The following PPP2R2C variants were observed in gnomAD, a reference collection of about 807,000 sequenced individuals.
PPP2R2C encodes protein phosphatase 2 regulatory subunit Bgamma.
PPP2R2C carries 10 observed loss-of-function variants against 45.3 expected under a neutral mutation model. The ratio of observed to expected loss-of-function variants is 0.22; its 90% CI spans 0.14 to 0.37. The LOEUF (loss-of-function observed/expected upper bound fraction) is 0.37, where lower values mean the gene tolerates loss of function less well. Among genes scored for constraint, PPP2R2C ranks in the 10% least tolerant of loss-of-function variants. The pLI, the probability that PPP2R2C is intolerant of heterozygous loss-of-function variation, is 1.00. For missense variants in PPP2R2C, 308 were observed against 619.7 expected, an observed-to-expected ratio of 0.50 and a Z score of 5.34; for synonymous variants, 257 against 245.4, an observed-to-expected ratio of 1.05 and a Z score of -0.44.
rs1234585496 is a variant in PPP2R2C, at chr4:6,518,935, A to T, written c.49+16336T>A. On this transcript the variant is annotated intron_variant, in intron 2 of 9. Transcript: ENST00000506140. Reference sequence around the variant, plus strand: ...AAGACTCTGTCTTAAAAAAAAAAAAAAAAAAAAAAAAAAAAAAAGAATAGA... The same window carrying T: ...AAGACTCTGTCTTAAAAAAAAAAAATAAAAAAAAAAAAAAAAAAGAATAGA... Among the ~76,000 whole-genome samples the T allele has an allele frequency of 1.8e-4, 20 of 109,654 alleles. 1 individual carries two copies. The highest frequency in any genetic ancestry group is 2.0e-4 in the Non-Finnish European group (10 of 49,322). 71.9% of individuals were successfully genotyped at this position (109,654 alleles called of 152,430 possible). A position where few individuals can be genotyped will look rare whatever the true frequency, so the allele number is the denominator to read the frequency against.
intron 2 of PPP2R2C, among the ~76,000 whole-genome samples, chr4:6,527,863 C>T (rs577182536): frequency 6.6e-6 from 1 of 152,204 alleles, no homozygotes; most frequent in South Asian, 2.1e-4. Context: ...GAAGGCAGGG[C>T]CTGGGGCCCC....
chr4:6,543,882 C>T (rs1577250065), intron 1 of PPP2R2C, among the ~76,000 whole-genome samples: 1 of 152,194 alleles, frequency 6.6e-6, no homozygotes, highest in African/African-American at 2.4e-5. Context: ...GTTTCTTTTA[C>T]GTGGGTCTGC....
intron 1 of PPP2R2C, among the ~76,000 whole-genome samples, chr4:6,398,874 T>C (rs1331455263): frequency 6.6e-6 from 1 of 151,976 alleles, no homozygotes; most frequent in African/African-American, 2.4e-5. Flanking sequence ...AATAAATAAA[T>C]CATGGCATAT....
At chr4:6,367,343 G>C (rs1714414031) in intron 5 of PPP2R2C, among the ~76,000 whole-genome samples, 1 of 152,148 alleles carries the variant, frequency 6.6e-6, no homozygotes, top group South Asian at 2.1e-4. Flanking sequence ...GGGCACGGAG[G>C]ACTGAACAGT....
At chr4:6,383,230 G>C in intron 1 of PPP2R2C, 8 of 1,206,240 alleles carry the variant, frequency 6.6e-6, no homozygotes, top group Non-Finnish European at 8.4e-6. Flanking sequence ...AGTGGGTGCA[G>C]AAGAACCCCC....
intron 1 of PPP2R2C, among the ~76,000 whole-genome samples, chr4:6,538,319 C>T (rs972527762): frequency 1.3e-5 from 2 of 152,132 alleles, no homozygotes; most frequent in African/African-American, 4.8e-5. Context: ...ACGGACGCTT[C>T]CTCGGGGTAC....
At chr4:6,381,192 C>T (rs62285930) in intron 1 of PPP2R2C, 98 bp from the exon 2 acceptor site, 219,935 of 1,545,708 alleles carry the variant, frequency 0.14, 16,926 homozygotes, top group African/African-American at 0.26. Flanking sequence ...CCCCGCTCCC[C>T]GAGGCCCCAC....
intron 2 of PPP2R2C, among the ~76,000 whole-genome samples, chr4:6,511,169 A>G (rs1723438789): frequency 6.6e-6 from 1 of 152,204 alleles, no homozygotes. Flanking sequence ...GTGTTACATG[A>G]GAAAAACACG....
rs1290176774 is a variant in PPP2R2C, at chr4:6,345,857, A to G, written c.790+1989T>C. 3.9e-5 allele frequency among the ~76,000 whole-genome samples: 6 copies of G among 152,110 alleles called. No homozygotes were observed. Among genetic ancestry groups the G allele is most frequent in the Non-Finnish European group, 5.9e-5 (4 of 67,998 alleles). On this transcript the variant is annotated intron_variant, in intron 6 of 8. Coordinates refer to ENST00000382599, the MANE Select transcript of PPP2R2C (RefSeq NM_020416.4). This position sits in a 1 kb window ranked among gnomAD's most constrained non-coding sequence, Gnocchi z 5.3. ...CTGGTCTCCAGCCTCCCATCAGTCC[A>G]CGGCCACTAACTCCACACTTATCTC...
At chr4:6,405,948 G>T (rs1717771238) in intron 1 of PPP2R2C, among the ~76,000 whole-genome samples, 1 of 152,108 alleles carries the variant, frequency 6.6e-6, no homozygotes, top group African/African-American at 2.4e-5. Flanking sequence ...TGGCAGCAGG[G>T]GGGTCTCTTT....
chr4:6,394,988 C>T (rs1716923129), intron 1 of PPP2R2C, among the ~76,000 whole-genome samples: 1 of 152,156 alleles, frequency 6.6e-6, no homozygotes, highest in Admixed American at 6.5e-5. Flanking sequence ...GAGCCAGCAG[C>T]CCCCCTCCGC....
At chr4:6,472,928 C>A (rs1201204798), upstream of PPP2R2C, among the ~76,000 whole-genome samples, 3 of 151,948 alleles carry the variant, frequency 2.0e-5, no homozygotes, top group Admixed American at 6.5e-5. Context: ...AGCAGCCTCG[C>A]AGGCAGAAGG....
At chr4:6,482,745 T>C (rs1046195797) in intron 2 of PPP2R2C, among the ~76,000 whole-genome samples, 5 of 152,226 alleles carry the variant, frequency 3.3e-5, no homozygotes, top group Admixed American at 2.6e-4. Flanking sequence ...AGTCGTTAGT[T>C]CCAATGCAAG....
intron 1 of PPP2R2C, among the ~76,000 whole-genome samples, chr4:6,544,815 A>G (rs1415612631): frequency 6.6e-6 from 1 of 152,226 alleles, no homozygotes; most frequent in Non-Finnish European, 1.5e-5. Flanking sequence ...ATTAGCACAA[A>G]CTCCCAGAAG....
intron 1 of PPP2R2C, among the ~76,000 whole-genome samples, chr4:6,464,102 C>T (rs1471815324): frequency 1.3e-5 from 2 of 152,178 alleles, no homozygotes; most frequent in African/African-American, 4.8e-5. Context: ...TCAGTTTTCT[C>T]CTCTGTAAAA....
Position 6,471,431 on chromosome 4 carries a change from G to C in PPP2R2C, c.70+729C>G, listed in dbSNP as rs1367679345. Reference sequence around the variant, plus strand: ...CGCTGACCCACCAGCCTCGGGGGTAGGGTGGGGGTGGGGGTTGGGCTTGTA... The same window carrying C: ...CGCTGACCCACCAGCCTCGGGGGTACGGTGGGGGTGGGGGTTGGGCTTGTA... On this transcript the variant is annotated intron_variant, in intron 1 of 8. Transcript: ENST00000382599. This position sits in a 1 kb window ranked among gnomAD's most constrained non-coding sequence, Gnocchi z 5.6. 1 of 152,308 alleles carries C rather than the reference G, an allele frequency of 6.6e-6. No homozygotes were observed. The highest frequency in any genetic ancestry group is 1.5e-5 in the Non-Finnish European group (1 of 68,112). 9.4% of individuals were successfully genotyped at this position (152,308 alleles called of 1,614,324 possible).
intron 1 of PPP2R2C, among the ~76,000 whole-genome samples, chr4:6,411,185 T>C (rs959870227): frequency 6.6e-6 from 1 of 152,152 alleles, no homozygotes; most frequent in African/African-American, 2.4e-5. Context: ...AATCCCATTT[T>C]AATGATGAAT....
chr4:6,336,509 G>T (rs1732863835), intron 6 of PPP2R2C, among the ~76,000 whole-genome samples: 1 of 152,108 alleles, frequency 6.6e-6, no homozygotes, highest in East Asian at 1.9e-4. Context: ...TTCAGGAAGG[G>T]GCAGGAGGAG....
chr4:6,449,394 A>G (rs1011881410), intron 1 of PPP2R2C, among the ~76,000 whole-genome samples: 1 of 152,208 alleles, frequency 6.6e-6, no homozygotes, highest in Non-Finnish European at 1.5e-5. Flanking sequence ...GCACCTCCAC[A>G]TGCTCTCAAT....
Sources: allele counts gnomAD v4.1 joint callset (sites outside exome capture counted in the v4.1 genomes callset), GRCh38; gene constraint gnomAD v4.1.1; non-coding constraint Gnocchi (gnomAD v3.1); transcripts MANE v1.5; gene names NCBI Gene and HGNC (gene_info 2026-07-23, HGNC 2026-07-21).